The following EPHA6 variants were observed in gnomAD, a reference collection of about 807,000 sequenced individuals.
EPHA6 encodes the protein ephrin type-A receptor 6.
A neutral mutation model predicts 112.0 loss-of-function variants in EPHA6; 50 were observed. The ratio of observed to expected loss-of-function variants is 0.45; its 90% confidence interval spans 0.36 to 0.56. The LOEUF (loss-of-function observed/expected upper bound fraction) is 0.56. Ranked by LOEUF, EPHA6 falls within the 20% of genes least tolerant of loss-of-function variation. The pLI is 0.00. For synonymous variants in EPHA6, 529 were observed against 490.7 expected, an observed-to-expected ratio of 1.08 and a Z score of -1.03; for missense variants, 1,280 against 1,417.4, an observed-to-expected ratio of 0.90 and a Z score of 1.56.
chr3:97,626,849 T>TG (rs1404050724), intron 13 of EPHA6, among the ~76,000 whole-genome samples: 1 of 151,790 alleles, frequency 6.6e-6, no homozygotes, highest in African/African-American at 2.4e-5. Context: ...GGAGAGCAGG[T>TG]TTACCACCAT....
intron 14 of EPHA6, among the ~76,000 whole-genome samples, chr3:97,672,409 G>T (rs963270344): frequency 6.6e-6 from 1 of 152,100 alleles, no homozygotes; most frequent in South Asian, 2.1e-4. Context: ...TAGTGGTTTT[G>T]TTGGCTTTTA....
At chr3:97,081,187 C>A (rs150527641) in intron 3 of EPHA6, among the ~76,000 whole-genome samples, 2 of 151,760 alleles carry the variant, frequency 1.3e-5, no homozygotes, top group African/African-American at 2.4e-5. Context: ...GATAAGAATG[C>A]AGAATTAACA....
At chr3:97,055,346 A>G (rs1376708926) in intron 3 of EPHA6, among the ~76,000 whole-genome samples, 1 of 152,146 alleles carries the variant, frequency 6.6e-6, no homozygotes, top group Non-Finnish European at 1.5e-5. Flanking sequence ...ATTATGATAC[A>G]GTTGCAAAGA....
Position 97,023,659 on chromosome 3 carries a change from AT to A in EPHA6, c.1114+35679del, listed in dbSNP as rs752331069. Among the ~76,000 whole-genome samples the A allele has an allele frequency of 6.5e-3, 949 of 146,002 alleles. 15 individuals carry two copies. Among genetic ancestry groups the A allele is most frequent in the East Asian group, 0.046 (233 of 5,058 alleles). ...ATGACCTTTAGAAGTAAAATGTTAA[AT>A]TTTTTTTTTTTTACTATTTTACAAT... On this transcript the variant is annotated intron_variant, in intron 3 of 17. Coordinates refer to ENST00000389672, the MANE Select transcript of EPHA6 (RefSeq NM_001080448.3).
intron 10 of EPHA6, among the ~76,000 whole-genome samples, chr3:97,485,280 C>T (rs1191886734): frequency 6.6e-6 from 1 of 152,122 alleles, no homozygotes; most frequent in Non-Finnish European, 1.5e-5. Flanking sequence ...GCCCAGTATA[C>T]CCTGAAATAT....
At chr3:97,542,010 G>A (rs1005420998) in intron 11 of EPHA6, among the ~76,000 whole-genome samples, 8 of 151,748 alleles carry the variant, frequency 5.3e-5, no homozygotes, top group East Asian at 1.9e-4. Flanking sequence ...CTTGGAGTCC[G>A]ATGTTCGAGG....
At chr3:97,371,747 T>C (rs1285875440) in intron 5 of EPHA6, among the ~76,000 whole-genome samples, 2 of 152,134 alleles carry the variant, frequency 1.3e-5, no homozygotes, top group Non-Finnish European at 2.9e-5. Context: ...GGAGAAATAT[T>C]GCTGAATTCT....
intron 14 of EPHA6, among the ~76,000 whole-genome samples, chr3:97,644,614 C>G (rs557624768): frequency 2.2e-4 from 34 of 151,914 alleles, no homozygotes; most frequent in African/African-American, 7.7e-4. Context: ...ATATCACCAA[C>G]GATCCCACAG....
intron 5 of EPHA6, among the ~76,000 whole-genome samples, chr3:97,331,595 C>T (rs1166381448): frequency 2.0e-5 from 3 of 152,076 alleles, no homozygotes; most frequent in Admixed American, 2.0e-4. Flanking sequence ...TACAAACTAC[C>T]ATCAAAGAAT....
At chr3:97,741,615 C>G (rs2035508894) in intron 16 of EPHA6, among the ~76,000 whole-genome samples, 1 of 151,942 alleles carries the variant, frequency 6.6e-6, no homozygotes, top group South Asian at 2.1e-4. Context: ...GCTAACTTTC[C>G]CAAGAGTACA....
chr3:96,898,664 C>A (rs1198366208), intron 2 of EPHA6, among the ~76,000 whole-genome samples: 1 of 152,014 alleles, frequency 6.6e-6, no homozygotes, highest in South Asian at 2.1e-4. Context: ...TCTTATATAT[C>A]ATATATATTT....
At chr3:97,338,816 A>G (rs1246854798) in intron 5 of EPHA6, among the ~76,000 whole-genome samples, 1 of 152,172 alleles carries the variant, frequency 6.6e-6, no homozygotes, top group Non-Finnish European at 1.5e-5. Context: ...AAAAGGGTGA[A>G]CAAGACTTAA....
chr3:97,065,863 G>A (rs1012686990), intron 3 of EPHA6, among the ~76,000 whole-genome samples: 1 of 151,888 alleles, frequency 6.6e-6, no homozygotes, highest in East Asian at 1.9e-4. Flanking sequence ...AGAAATATTT[G>A]TAAAAGCAAC....
At chr3:97,061,303 G>A (rs1322355140) in intron 3 of EPHA6, among the ~76,000 whole-genome samples, 1 of 152,162 alleles carries the variant, frequency 6.6e-6, no homozygotes, top group Non-Finnish European at 1.5e-5. Flanking sequence ...TCAGAATGTA[G>A]TTGAGACAGA....
rs1420399065 is a variant in EPHA6 at position 96,892,954 on chromosome 3, A to ATATGTGTG, written c.450+26066_450+26067insATGTGTGT. On this transcript the variant is annotated intron_variant, in intron 2 of 17. Coordinates refer to ENST00000389672, the MANE Select transcript of EPHA6 (RefSeq NM_001080448.3). ...CTGATTCCAACTTATATATATATAT[A>ATATGTGTG]TGTGTGTGTGTGTGTGTGTGTGTGT... Among the ~76,000 whole-genome samples, 869 of 132,402 alleles carry ATATGTGTG rather than the reference A, an allele frequency of 6.6e-3. 4 individuals are homozygous for ATATGTGTG. The highest frequency in any genetic ancestry group is 0.022 in the African/African-American group (835 of 37,154). The allele number at this position is 132,402 out of a possible 152,430, so 86.9% of individuals were successfully genotyped here. A position where few individuals can be genotyped will look rare whatever the true frequency, so the allele number is the denominator to read the frequency against.
chr3:97,304,669 T>G (rs1344208716), intron 5 of EPHA6, among the ~76,000 whole-genome samples: 1 of 152,102 alleles, frequency 6.6e-6, no homozygotes, highest in Non-Finnish European at 1.5e-5. Flanking sequence ...TAATAAATAG[T>G]GCTGGGAAAA....
intron 2 of EPHA6, among the ~76,000 whole-genome samples, chr3:96,965,039 T>G (rs890722864): frequency 2.6e-5 from 4 of 152,028 alleles, no homozygotes; most frequent in African/African-American, 7.3e-5. Context: ...TGTACAGAAA[T>G]CGGAAGTGAG....
At chr3:97,412,850 A>AAAT (rs1400409450) in intron 6 of EPHA6, among the ~76,000 whole-genome samples, 3 of 152,018 alleles carry the variant, frequency 2.0e-5, no homozygotes, top group African/African-American at 7.2e-5. Context: ...GGAGGAAAGA[A>AAAT]AATAATACAA....
chr3:97,500,283 AT>A (rs970147465), intron 10 of EPHA6, among the ~76,000 whole-genome samples: 41 of 150,688 alleles, frequency 2.7e-4, no homozygotes, highest in East Asian at 7.8e-4. Context: ...GGATAATTTT[AT>A]TTTTTTTTTA....
Sources: gnomAD v4.1 joint callset for allele counts (sites outside exome capture counted in the v4.1 genomes callset) on GRCh38, gnomAD v4.1.1 for gene constraint, MANE v1.5 for transcripts, NCBI Gene and HGNC (gene_info 2026-07-23, HGNC 2026-07-21) for gene names.